The following PAK5 variants were observed in gnomAD, a reference collection of about 807,000 sequenced individuals.
PAK5 encodes p21 (RAC1) activated kinase 5.
In PAK5, 16 loss-of-function variants were observed where a neutral mutation model predicts 65.9. The ratio of observed to expected loss-of-function variants is 0.24; its 90% CI spans 0.16 to 0.37. The LOEUF is 0.37. Ranked by LOEUF, PAK5 falls within the 10% of genes least tolerant of loss-of-function variation. The pLI is 1.00. For synonymous variants in PAK5, 371 were observed against 354.9 expected (o/e 1.05, Z -0.51); for missense variants, 785 against 903.9 (o/e 0.87, Z 1.69).
chr20:9,578,171 C>G (rs2045919619), intron 4 of PAK5, among the ~76,000 whole-genome samples: 1 of 151,976 alleles, frequency 6.6e-6, no homozygotes, highest in African/African-American at 2.4e-5. Flanking sequence ...GTTTTGCAAC[C>G]AACTAATTAT....
intron 3 of PAK5, among the ~76,000 whole-genome samples, chr20:9,616,418 C>T (rs952799133): frequency 1.3e-5 from 2 of 152,216 alleles, no homozygotes; most frequent in African/African-American, 2.4e-5. Context: ...TTTTATGCTG[C>T]TGGAAACACG....
At chr20:9,663,726 T>A (rs1030665517) in intron 2 of PAK5, among the ~76,000 whole-genome samples, 28 of 152,176 alleles carry the variant, frequency 1.8e-4, no homozygotes, top group Non-Finnish European at 2.8e-4. Context: ...AGGTAAGGAA[T>A]CTTACATTAC....
intron 2 of PAK5, among the ~76,000 whole-genome samples, chr20:9,692,729 G>C (rs1205592749): frequency 6.6e-6 from 1 of 152,040 alleles, no homozygotes; most frequent in Non-Finnish European, 1.5e-5. Context: ...TTTAGGCATG[G>C]TCATGACAAA....
rs191801902 is a variant in PAK5 at position 9,809,060 on chromosome 20, T to A, written c.-162+29702A>T. Among the ~76,000 whole-genome samples, 451 of 152,254 alleles carry A rather than the reference T, an allele frequency of 3.0e-3. 1 individual carries two copies. Among genetic ancestry groups the A allele is most frequent in the Non-Finnish European group, 4.1e-3 (276 of 68,012 alleles). The stretch of plus-strand genomic sequence containing the variant: ...TTATTCTATTTTTTATGTGATGAAA[T>A]TGCTTATAATTTTGTTTAGATGCTA... On this transcript the variant is annotated intron_variant, in intron 1 of 9. Transcript: ENST00000353224.
At chr20:9,600,754 G>A (rs1402127714) in intron 3 of PAK5, among the ~76,000 whole-genome samples, 1 of 152,180 alleles carries the variant, frequency 6.6e-6, no homozygotes, top group Non-Finnish European at 1.5e-5. Context: ...TCCCTGCAGA[G>A]TCTTCCACTG....
At chr20:9,774,095 A>G (rs1434057894) in intron 1 of PAK5, among the ~76,000 whole-genome samples, 1 of 152,350 alleles carries the variant, frequency 6.6e-6, no homozygotes, top group East Asian at 1.9e-4. Flanking sequence ...GCTTTCTTAC[A>G]TCGCCATGGT....
At chr20:9,673,098 T>C (rs1388763894) in intron 2 of PAK5, among the ~76,000 whole-genome samples, 5 of 152,206 alleles carry the variant, frequency 3.3e-5, no homozygotes, top group African/African-American at 1.2e-4. Context: ...TAACATTAAG[T>C]GACAGACATA....
intron 1 of PAK5, among the ~76,000 whole-genome samples, chr20:9,805,845 A>G (rs921390183): frequency 1.3e-5 from 2 of 152,200 alleles, no homozygotes; most frequent in African/African-American, 4.8e-5. Flanking sequence ...CAATAGTCTA[A>G]CAATCAAAAT....
chr20:9,737,908 C>T lies in PAK5; in HGVS notation c.-161-26473G>A, dbSNP rs561420197. On this transcript the variant is annotated intron_variant, in intron 1 of 9. Transcript: ENST00000353224. ...CTATAATCCCAGCACTTTGGGAGGC[C>T]GAGGTGGGCAGATCATGAGGTCAAG... is the stretch of plus-strand genomic sequence containing the variant. 1.1e-4 allele frequency among the ~76,000 whole-genome samples: 17 copies of T among 151,978 alleles called. No individual in the cohort carries two copies. In the South Asian group the frequency reaches 3.1e-3, roughly 28 times the overall value.
chr20:9,649,618 C>T (rs946018010), intron 2 of PAK5, among the ~76,000 whole-genome samples: 2 of 152,182 alleles, frequency 1.3e-5, no homozygotes, highest in Non-Finnish European at 2.9e-5. Flanking sequence ...CTCCAACATG[C>T]AGGCATCTCC....
chr20:9,663,221 C>T (rs1425071415), intron 2 of PAK5, among the ~76,000 whole-genome samples: 1 of 151,960 alleles, frequency 6.6e-6, no homozygotes, highest in African/African-American at 2.4e-5. Flanking sequence ...TTGTTTTTAC[C>T]CAACCTTGAT....
intron 2 of PAK5, among the ~76,000 whole-genome samples, chr20:9,666,085 T>C (rs1234692295): frequency 6.6e-6 from 1 of 152,142 alleles, no homozygotes; most frequent in Non-Finnish European, 1.5e-5. Context: ...TTCTGTTTAG[T>C]TGTAAATGAG....
At chr20:9,835,658 G>A (rs1444570950) in intron 1 of PAK5, among the ~76,000 whole-genome samples, 1 of 152,176 alleles carries the variant, frequency 6.6e-6, no homozygotes, top group Non-Finnish European at 1.5e-5. Flanking sequence ...ATCTCTTGCA[G>A]TTTGATAGTG....
chr20:9,642,058 A>G (rs1367433081), intron 3 of PAK5, among the ~76,000 whole-genome samples: 1 of 152,206 alleles, frequency 6.6e-6, no homozygotes, highest in African/African-American at 2.4e-5. Flanking sequence ...GGGGGGCTGA[A>G]GGGCTCCTCA....
At chr20:9,563,318 T>C (rs548789273) in intron 5 of PAK5, among the ~76,000 whole-genome samples, 5 of 152,326 alleles carry the variant, frequency 3.3e-5, no homozygotes, top group African/African-American at 9.6e-5. Context: ...GGGAGTTTGG[T>C]TGACCATCTT....
At chr20:9,765,820 C>T (rs1435341256) in intron 1 of PAK5, among the ~76,000 whole-genome samples, 1 of 152,192 alleles carries the variant, frequency 6.6e-6, no homozygotes, top group African/African-American at 2.4e-5. Flanking sequence ...AGATACAGGA[C>T]TTCAAAAAGT....
intron 2 of PAK5, among the ~76,000 whole-genome samples, chr20:9,655,552 A>G (rs1439135096): frequency 6.6e-6 from 1 of 152,178 alleles, no homozygotes. Flanking sequence ...GGAATGTACT[A>G]TAATTCATCT....
chr20:9,760,100 C>G (rs1310960356), intron 1 of PAK5, among the ~76,000 whole-genome samples: 1 of 152,134 alleles, frequency 6.6e-6, no homozygotes, highest in Non-Finnish European at 1.5e-5. Context: ...TATTGGGTAG[C>G]TGTGACCACC....
chr20:9,715,591 G>A (rs949797476), intron 1 of PAK5, among the ~76,000 whole-genome samples: 1 of 151,968 alleles, frequency 6.6e-6, no homozygotes, highest in African/African-American at 2.4e-5. Context: ...AAAGACACAT[G>A]CACACGTATG....
Sources: gnomAD v4.1 joint callset for allele counts (sites outside exome capture counted in the v4.1 genomes callset) on GRCh38, gnomAD v4.1.1 for gene constraint, MANE v1.5 for transcripts, NCBI Gene and HGNC (gene_info 2026-07-23, HGNC 2026-07-21) for gene names.